The following CALN1 variants were observed in gnomAD, a reference collection of about 807,000 sequenced individuals.
The protein encoded by CALN1 is calneuron 1.
CALN1 carries 17 observed loss-of-function variants against 30.6 expected under a neutral mutation model. The ratio of observed to expected loss-of-function variants is 0.56; its 90% CI spans 0.38 to 0.83. CALN1 has a LOEUF of 0.83. Among genes scored for constraint, CALN1 ranks in the 40% least tolerant of loss-of-function variants. The pLI is 0.00. For missense variants in CALN1, 291 were observed against 354.9 expected (o/e 0.82, Z 1.45); for synonymous variants, 156 against 131.4 (o/e 1.19, Z -1.28).
chr7:72,028,676 G>A (rs1038757731), intron 4 of CALN1, among the ~76,000 whole-genome samples: 4 of 152,160 alleles, frequency 2.6e-5, no homozygotes, highest in African/African-American at 9.7e-5. Flanking sequence ...TTTTTCGCTT[G>A]TGATACTTTG....
chr7:72,163,299 T>C (rs929040778), intron 3 of CALN1, among the ~76,000 whole-genome samples: 2 of 137,198 alleles, frequency 1.5e-5, no homozygotes, highest in Admixed American at 7.6e-5. Flanking sequence ...CTTTTGAGAA[T>C]AAAAACAACA....
At chr7:71,950,411 T>G (rs1349234929) in intron 5 of CALN1, among the ~76,000 whole-genome samples, 1 of 152,192 alleles carries the variant, frequency 6.6e-6, no homozygotes, top group Non-Finnish European at 1.5e-5. Context: ...TTTTGGATAT[T>G]GCAGAGTACT....
rs1029427916 is a variant in CALN1, at chr7:71,981,977, C to T, written c.501+41680G>A. On this transcript the variant is annotated intron_variant, in intron 5 of 6. Coordinates refer to ENST00000395275, the MANE Select transcript of CALN1 (RefSeq NM_031468.4). Reference sequence around the variant, plus strand: ...TTCCTGCAATGGGAAACACTGCAGGCTCCCAGCTCATCCCAGCCAGGCACG... The same window carrying T: ...TTCCTGCAATGGGAAACACTGCAGGTTCCCAGCTCATCCCAGCCAGGCACG... 3.3e-5 allele frequency among the ~76,000 whole-genome samples: 5 copies of T among 152,182 alleles called. No individual in the cohort carries two copies. The South Asian group carries it at 6.2e-4, about 19-fold the overall frequency.
chr7:71,861,210 T>C (rs1432412659), intron 5 of CALN1, among the ~76,000 whole-genome samples: 1 of 152,028 alleles, frequency 6.6e-6, no homozygotes, highest in African/African-American at 2.4e-5. Flanking sequence ...TGTGTTACGC[T>C]TATGCAAGTA....
At chr7:72,291,214 C>T (rs1053681953) in intron 2 of CALN1, among the ~76,000 whole-genome samples, 57 of 152,176 alleles carry the variant, frequency 3.7e-4, no homozygotes, top group African/African-American at 1.3e-3. Context: ...TGAGCCACTG[C>T]GCCTAGCCCT....
rs772598359 is a variant in CALN1 at position 72,278,736 on chromosome 7, G to A, written c.194C>T (p.Ala65Val). 15 of 1,613,986 alleles carry A rather than the reference G, an allele frequency of 9.3e-6. No homozygotes were observed. The African/African-American group carries it at 1.7e-4, about 19-fold the overall frequency. ...AGCCAGCTGTTCGCTGTCACTGCCA[G>A]CAGAGAGCGATCGGTTGAGGTAATT... ...KGNYLNRSLSAGSDSEQLANI... is the reference protein window; with the variant it reads ...KGNYLNRSLSVGSDSEQLANI... Residue 65 changes from alanine to valine, a missense_variant, in exon 3 of 7, where the codon GCT (alanine) becomes GTT (valine). Ala to Val is a moderately conservative substitution (Grantham distance 64, BLOSUM62 0). This residue lies in a region of CALN1 where 122 missense variants were observed against 103.2 expected (regional missense o/e 1.18). Coordinates refer to ENST00000395275, the MANE Select transcript of CALN1 (RefSeq NM_031468.4).
intron 2 of CALN1, among the ~76,000 whole-genome samples, chr7:72,377,436 CGTGTGTGTGTGTGTGT>C (rs138060244): frequency 6.3e-5 from 9 of 142,336 alleles, no homozygotes; most frequent in Non-Finnish European, 1.2e-4. Context: ...GCCACACTTT[CGTGTGTGTGTGTGTGT>C]GTGTGTGTGT....
At chr7:71,838,093 CCGTGTATTTTTCCAGATTTTGTTCTG>C (rs1431422958) in intron 5 of CALN1, among the ~76,000 whole-genome samples, 1 of 151,976 alleles carries the variant, frequency 6.6e-6, no homozygotes, top group African/African-American at 2.4e-5. Flanking sequence ...CATAAAATTG[CCGTGTATTTTTCCAGATTTTGTTCTG>C]CGGAAAAGAG....
At chr7:71,999,854 C>A (rs187100805) in intron 5 of CALN1, among the ~76,000 whole-genome samples, 19 of 151,936 alleles carry the variant, frequency 1.3e-4, no homozygotes, top group Admixed American at 1.2e-3. Context: ...TTCACCAAGA[C>A]AGATAATATA....
At chr7:72,210,162 C>T (rs1488442520) in intron 3 of CALN1, among the ~76,000 whole-genome samples, 1 of 152,034 alleles carries the variant, frequency 6.6e-6, no homozygotes, top group African/African-American at 2.4e-5. Flanking sequence ...CCCCTTCCAG[C>T]CATCCACCTC....
chr7:72,318,749 G>A (rs145937292), intron 2 of CALN1, among the ~76,000 whole-genome samples: 1,930 of 112,672 alleles, frequency 0.017, 58 homozygotes, highest in African/African-American at 0.063. Context: ...ACAGGGTCTC[G>A]CTATGTTGCC....
chr7:72,433,893 C>A (rs1248139212), intron 1 of CALN1, among the ~76,000 whole-genome samples: 1 of 151,698 alleles, frequency 6.6e-6, no homozygotes, highest in Non-Finnish European at 1.5e-5. Context: ...CCCATTTCTG[C>A]TAATAATAAT....
chr7:72,043,535 G>C (rs1802264151), intron 4 of CALN1, among the ~76,000 whole-genome samples: 1 of 152,198 alleles, frequency 6.6e-6, no homozygotes, highest in South Asian at 2.1e-4. Context: ...TTGTGAGGCT[G>C]AGCTGGGAAG....
chr7:71,814,013 G>A (rs1172870750), intron 5 of CALN1, among the ~76,000 whole-genome samples: 2 of 151,948 alleles, frequency 1.3e-5, no homozygotes, highest in East Asian at 3.9e-4. Context: ...CGGGTCCCAG[G>A]AAGGGTGTAT....
intron 3 of CALN1, among the ~76,000 whole-genome samples, chr7:72,270,701 G>A (rs1796918791): frequency 1.3e-5 from 2 of 152,222 alleles, no homozygotes; most frequent in South Asian, 2.1e-4. Flanking sequence ...CTTGAGATCA[G>A]GAGGTCAATG....
intron 5 of CALN1, among the ~76,000 whole-genome samples, chr7:71,885,492 G>A (rs1271158391): frequency 6.6e-6 from 1 of 152,186 alleles, no homozygotes; most frequent in African/African-American, 2.4e-5. Flanking sequence ...GATGTCTCCT[G>A]CCCCTTTAAG....
At chr7:71,988,601 T>C (rs993605661) in intron 5 of CALN1, among the ~76,000 whole-genome samples, 1 of 152,198 alleles carries the variant, frequency 6.6e-6, no homozygotes, top group African/African-American at 2.4e-5. Flanking sequence ...GCACTGACTA[T>C]ATTTTTAATT....
intron 5 of CALN1, among the ~76,000 whole-genome samples, chr7:72,019,815 T>C (rs957271817): frequency 1.3e-5 from 2 of 152,120 alleles, no homozygotes; most frequent in Admixed American, 6.5e-5. Flanking sequence ...AGATAGAAAA[T>C]ATTTAGTGTT....
rs1190799242 is a variant in CALN1, at chr7:72,338,527, G to GTGTGTGTGTC, written c.120-59718_120-59717insGACACACACA. 1.2e-3 allele frequency among the ~76,000 whole-genome samples: 175 copies of GTGTGTGTGTC among 144,560 alleles called. 5 individuals carry two copies. Among genetic ancestry groups the GTGTGTGTGTC allele is most frequent in the African/African-American group, 4.4e-3 (162 of 36,990 alleles). The allele number at this position is 144,560 out of a possible 152,430, so 94.8% of individuals were successfully genotyped here. A position where few individuals can be genotyped will look rare whatever the true frequency, so the allele number is the denominator to read the frequency against. ...TGTGTGTGTGTGTGTGTGTGTGTGT[G>GTGTGTGTGTC]TCTCACCTGGGTGTGGTTTCAGAGT... On this transcript the variant is annotated intron_variant, in intron 2 of 6. Coordinates refer to ENST00000395275, the MANE Select transcript of CALN1 (RefSeq NM_031468.4).
Sources: allele counts gnomAD v4.1 joint callset (sites outside exome capture counted in the v4.1 genomes callset), GRCh38; gene constraint gnomAD v4.1.1; regional missense constraint gnomAD v4.1.1; transcripts MANE v1.5; gene names NCBI Gene and HGNC (gene_info 2026-07-23, HGNC 2026-07-21).